Variants in ARHGAP24 observed in about 807,000 individuals in gnomAD.
The protein encoded by ARHGAP24 is Rho GTPase activating protein 24.
A neutral mutation model predicts 76.4 loss-of-function variants in ARHGAP24; 50 were observed. The observed-to-expected ratio is 0.65, with a 90% CI of 0.52 to 0.83. The LOEUF (loss-of-function observed/expected upper bound fraction) is 0.83. Ranked by LOEUF, ARHGAP24 falls within the 40% of genes least tolerant of loss-of-function variation. The probability of loss-of-function intolerance (pLI) is 0.00; values close to 1 mark genes in which losing one functional copy is unlikely to be tolerated. For synonymous variants in ARHGAP24, 345 were observed against 323.3 expected, an observed-to-expected ratio of 1.07 and a Z score of -0.72; for missense variants, 930 against 914.2, an observed-to-expected ratio of 1.02 and a Z score of -0.22.
In ARHGAP24 at chr4:85,828,517, T is replaced by G. The variant is rs76198506; in HGVS notation, c.269-95131T>G. 1.4e-4 allele frequency among the ~76,000 whole-genome samples: 17 copies of G among 120,852 alleles called. No homozygotes were observed. The East Asian group carries it at 2.9e-3, about 21-fold the overall frequency. The allele number at this position is 120,852 out of a possible 152,430, so 79.3% of individuals were successfully genotyped here. ...CATTTGTGTGTGTCTGCGTGTGTGT[T>G]TTTTTTTTTTTAAAAAAAGCCAAAA... On this transcript the variant is annotated intron_variant, in intron 3 of 9. Coordinates refer to ENST00000395184, the MANE Select transcript of ARHGAP24 (RefSeq NM_001025616.3).
At chr4:85,579,493 G>GT (rs5859985) in intron 2 of ARHGAP24, among the ~76,000 whole-genome samples, 36,789 of 128,636 alleles carry the variant, frequency 0.29, 6,259 homozygotes, top group East Asian at 0.81. Flanking sequence ...TCTCTTTTAG[G>GT]TTTTTTTTTT....
chr4:85,986,314 A>G (rs996804), intron 8 of ARHGAP24, among the ~76,000 whole-genome samples: 45,594 of 151,890 alleles, frequency 0.3, 7,634 homozygotes, highest in African/African-American at 0.45. Context: ...TTAAAATACT[A>G]ACAAATAATA....
At chr4:86,000,449 A>ACC (rs551824728) in intron 9 of ARHGAP24, 30 bp from the exon 10 acceptor site, 31 of 383,534 alleles carry the variant, frequency 8.1e-5, no homozygotes, top group Non-Finnish European at 8.4e-5. Context: ...TTGCGTCCCC[A>ACC]CCCCCCACCC....
intron 1 of ARHGAP24, among the ~76,000 whole-genome samples, chr4:85,534,252 A>G (rs554207343): frequency 6.6e-6 from 1 of 151,772 alleles, no homozygotes; most frequent in South Asian, 2.1e-4. Context: ...TCAAAGAAAT[A>G]AAGAAAAATA....
At chr4:85,713,795 G>T (rs1413316037) in intron 2 of ARHGAP24, among the ~76,000 whole-genome samples, 1 of 152,110 alleles carries the variant, frequency 6.6e-6, no homozygotes, top group African/African-American at 2.4e-5. Context: ...TTGTTGGCAG[G>T]TGGTTTTGTG....
intron 3 of ARHGAP24, among the ~76,000 whole-genome samples, chr4:85,797,385 G>A (rs1441172406): frequency 6.6e-6 from 1 of 152,156 alleles, no homozygotes; most frequent in East Asian, 1.9e-4. Context: ...GTGTTAGCCA[G>A]GATGGTCTCA....
At chr4:85,533,799 A>G (rs1352656659) in intron 1 of ARHGAP24, among the ~76,000 whole-genome samples, 3 of 152,208 alleles carry the variant, frequency 2.0e-5, no homozygotes, top group Non-Finnish European at 2.9e-5. Context: ...ATACATTCAA[A>G]TGTAATAAGA....
chr4:85,973,646 A>G (rs1023845499), intron 6 of ARHGAP24, among the ~76,000 whole-genome samples: 7 of 152,144 alleles, frequency 4.6e-5, no homozygotes, highest in South Asian at 4.1e-4. Flanking sequence ...TAAGACTTCT[A>G]TAGCTTCGGC....
At chr4:85,960,459 G>A (rs975188407) in intron 5 of ARHGAP24, among the ~76,000 whole-genome samples, 1 of 152,106 alleles carries the variant, frequency 6.6e-6, no homozygotes. Context: ...TGTTCATAAA[G>A]TAAAACACAT....
At chr4:85,823,315 C>T (rs1325753214) in intron 3 of ARHGAP24, among the ~76,000 whole-genome samples, 1 of 152,016 alleles carries the variant, frequency 6.6e-6, no homozygotes, top group Non-Finnish European at 1.5e-5. Context: ...TCTAATATGC[C>T]TTACTCAGTA....
chr4:85,818,647 C>T (rs4607208), intron 3 of ARHGAP24, among the ~76,000 whole-genome samples: 1 of 152,164 alleles, frequency 6.6e-6, no homozygotes. Flanking sequence ...ATGCGTCCCT[C>T]TGCTCCTGAT....
In ARHGAP24 at chr4:85,696,841, T is replaced by C. The variant is rs1015975219; in HGVS notation, c.181-25044T>C. Among the ~76,000 whole-genome samples the C allele has an allele frequency of 3.9e-5, 6 of 152,140 alleles. 1 individual carries two copies. The South Asian group carries it at 1.2e-3, about 31-fold the overall frequency. ...TGCTGACTTATATGAAAGGACACCA[T>C]GCAGAAATGGTGAGATAAAGGGAAC... On this transcript the variant is annotated intron_variant, in intron 2 of 9. Transcript: ENST00000395184.
At chr4:85,828,515 G>T (rs1207984659) in intron 3 of ARHGAP24, among the ~76,000 whole-genome samples, 2 of 144,300 alleles carry the variant, frequency 1.4e-5, no homozygotes, top group Non-Finnish European at 3.0e-5. Flanking sequence ...CTGCGTGTGT[G>T]TTTTTTTTTT....
chr4:85,775,040 C>T (rs1450237707), intron 3 of ARHGAP24, among the ~76,000 whole-genome samples: 8 of 151,948 alleles, frequency 5.3e-5, no homozygotes, highest in African/African-American at 1.9e-4. Context: ...CTAGAGGAGA[C>T]ATAGCAAACA....
chr4:85,940,251 T>C (rs1013203131), intron 4 of ARHGAP24, among the ~76,000 whole-genome samples: 3 of 152,082 alleles, frequency 2.0e-5, no homozygotes, highest in African/African-American at 7.2e-5. Flanking sequence ...TGGACAAAGG[T>C]GCTGCCAGTT....
chr4:85,924,011 G>T lies in ARHGAP24; in HGVS notation c.391+241G>T, dbSNP rs984892056. Among the ~76,000 whole-genome samples the T allele has an allele frequency of 2.7e-5, 4 of 147,826 alleles. No homozygotes were observed. The Middle Eastern group carries it at 0.011, about 390-fold the overall frequency. On this transcript the variant is annotated intron_variant, in intron 4 of 9. Transcript: ENST00000395184. ...TATGTTGAATGATAAAAATGGGTGG[G>T]TTTTTTTTTTAGTTTTGGATTTTCC...
intron 2 of ARHGAP24, among the ~76,000 whole-genome samples, chr4:85,630,018 T>C (rs982657453): frequency 1.9e-4 from 29 of 152,120 alleles, no homozygotes; most frequent in African/African-American, 6.5e-4. Flanking sequence ...ATAGGCTTTC[T>C]TCTCTCTTTT....
intron 1 of ARHGAP24, among the ~76,000 whole-genome samples, chr4:85,491,631 C>T (rs1723360863): frequency 6.6e-6 from 1 of 152,104 alleles, no homozygotes; most frequent in Admixed American, 6.5e-5. Flanking sequence ...CTAGGTACTT[C>T]CTGGGGACTT....
intron 1 of ARHGAP24, among the ~76,000 whole-genome samples, chr4:85,507,111 A>G (rs1432541521): frequency 3.3e-5 from 5 of 152,242 alleles, no homozygotes; most frequent in African/African-American, 1.2e-4. Flanking sequence ...TTGGATTTGC[A>G]TGAACTGAGG....
Sources: gnomAD v4.1 joint callset for allele counts (sites outside exome capture counted in the v4.1 genomes callset) on GRCh38, gnomAD v4.1.1 for gene constraint, MANE v1.5 for transcripts, NCBI Gene and HGNC (gene_info 2026-07-23, HGNC 2026-07-21) for gene names.